The following CLNK variants were observed in gnomAD, a reference collection of about 807,000 sequenced individuals.
The protein encoded by CLNK is cytokine-dependent hematopoietic cell linker.
CLNK carries 74 observed loss-of-function variants against 68.6 expected under a neutral mutation model. That is an observed-to-expected ratio of 1.08 (90% CI 0.89 to 1.31). The LOEUF is 1.31. Ranked by LOEUF, CLNK falls within the 50% of genes most tolerant of loss-of-function variation. CLNK has a pLI of 0.00. For synonymous variants in CLNK, 198 were observed against 172.2 expected (o/e 1.15, Z -1.17); for missense variants, 553 against 515.3 (o/e 1.07, Z -0.71).
chr4:10,533,828 C>T (rs774300940), intron 11 of CLNK, among the ~76,000 whole-genome samples: 1 of 152,142 alleles, frequency 6.6e-6, no homozygotes, highest in Non-Finnish European at 1.5e-5. Flanking sequence ...ATGTGTTTGT[C>T]TCCATTTTAA....
At chr4:10,617,558 C>A (rs2108858500) in intron 2 of CLNK, among the ~76,000 whole-genome samples, 1 of 152,292 alleles carries the variant, frequency 6.6e-6, no homozygotes, top group African/African-American at 2.4e-5. Context: ...TTATGCAAAA[C>A]TCTCTGGTAA....
chr4:10,688,807 A>C (rs1199675595), upstream of CLNK, among the ~76,000 whole-genome samples: 1 of 152,204 alleles, frequency 6.6e-6, no homozygotes, highest in Admixed American at 6.5e-5. Flanking sequence ...CATTTAGTGC[A>C]CATGAAAAGA....
intron 17 of CLNK, among the ~76,000 whole-genome samples, chr4:10,506,408 T>C (rs1332360269): frequency 3.3e-5 from 5 of 152,192 alleles, no homozygotes; most frequent in Admixed American, 3.3e-4. Context: ...CCCAAACCCG[T>C]CCTGAACATG....
intron 4 of CLNK, among the ~76,000 whole-genome samples, chr4:10,574,786 T>C (rs1720492148): frequency 6.6e-6 from 1 of 152,210 alleles, no homozygotes; most frequent in South Asian, 2.1e-4. Flanking sequence ...GCTTATGTTA[T>C]CTATAGATTC....
chr4:10,624,811 C>G (rs1370499938), intron 2 of CLNK, among the ~76,000 whole-genome samples: 1 of 151,986 alleles, frequency 6.6e-6, no homozygotes, highest in African/African-American at 2.4e-5. Flanking sequence ...AGGAACACAC[C>G]TTGGGAAATG....
chr4:10,585,010 C>G (rs1313593282), intron 3 of CLNK, 55 bp from the exon 4 acceptor site: 2 of 1,591,780 alleles, frequency 1.3e-6, no homozygotes, highest in African/African-American at 1.3e-5. Context: ...TCCACCGACC[C>G]CCCGCCACAT....
chr4:10,553,462 T>A (rs577618374), intron 8 of CLNK, among the ~76,000 whole-genome samples: 35 of 152,152 alleles, frequency 2.3e-4, no homozygotes, highest in South Asian at 1.7e-3. Context: ...ATTTTATTTT[T>A]TTTTTCTGAT....
intron 1 of CLNK, among the ~76,000 whole-genome samples, chr4:10,674,945 G>T (rs1724810665): frequency 6.6e-6 from 1 of 151,896 alleles, no homozygotes; most frequent in African/African-American, 2.4e-5. Flanking sequence ...TGGACACAGG[G>T]AGGGGAACAT....
intron 15 of CLNK, among the ~76,000 whole-genome samples, chr4:10,516,380 A>C (rs925592925): frequency 6.6e-6 from 1 of 152,184 alleles, no homozygotes; most frequent in African/African-American, 2.4e-5. Context: ...TTGATCCACT[A>C]AATTTTTGAG....
At position 10,489,065 on chromosome 4, in the gene CLNK, C is replaced by G. The variant is rs555976923; in HGVS notation, c.*1402G>C. On this transcript the variant is annotated 3_prime_UTR_variant, in exon 19 of 19. Transcript: ENST00000226951. ...ATTGTTTCTATCTTTCTCTCTCTCT[C>G]TCTCTTTTTTTTTAAATTAGCTTTT... 2.0e-5 allele frequency: 3 copies of G among 151,994 alleles called. No homozygotes were observed. Among genetic ancestry groups the G allele is most frequent in the African/African-American group, 7.2e-5 (3 of 41,440 alleles). 9.4% of individuals were successfully genotyped at this position (151,994 alleles called of 1,614,324 possible).
At chr4:10,733,953 G>A in the CLNK span, among the ~76,000 whole-genome samples, 1 of 151,980 alleles carries the variant, frequency 6.6e-6, no homozygotes, top group African/African-American at 2.4e-5. Context: ...CATTTTTAAA[G>A]TTAGTCTATG....
At chr4:10,566,869 A>G (rs575966398) in intron 5 of CLNK, among the ~76,000 whole-genome samples, 1 of 152,232 alleles carries the variant, frequency 6.6e-6, no homozygotes, top group Admixed American at 6.5e-5. Flanking sequence ...AGCATCAAGG[A>G]GAATAAAATA....
chr4:10,526,397 A>G (rs185559889), intron 13 of CLNK, among the ~76,000 whole-genome samples: 44 of 152,346 alleles, frequency 2.9e-4, no homozygotes, highest in Admixed American at 4.6e-4. Context: ...GAAAATAAGC[A>G]TGCAAGTAAG....
chr4:10,489,245 A>G lies in CLNK; in HGVS notation c.*1222T>C, dbSNP rs1210617524. On this transcript the variant is annotated 3_prime_UTR_variant, in exon 19 of 19. Coordinates refer to ENST00000226951, the MANE Select transcript of CLNK (RefSeq NM_052964.4). The stretch of plus-strand genomic sequence containing the variant: ...CTCTGTTTCCTCATCTTTATTGTAA[A>G]ACAATAATAAAATTAAATCCTCTTA... 1 of 152,196 alleles carries G rather than the reference A, an allele frequency of 6.6e-6. No individual in the cohort carries two copies. The highest frequency in any genetic ancestry group is 2.4e-5 in the African/African-American group (1 of 41,444). 9.4% of individuals were successfully genotyped at this position (152,196 alleles called of 1,614,324 possible).
At chr4:10,711,187 A>G in the CLNK span, among the ~76,000 whole-genome samples, 3 of 152,220 alleles carry the variant, frequency 2.0e-5, no homozygotes, top group African/African-American at 2.4e-5. Flanking sequence ...TGTCTGGAAC[A>G]CTAAAGCATC....
intron 15 of CLNK, 139 bp from the exon 16 acceptor site, chr4:10,513,736 C>G (rs1401222492): frequency 7.0e-6 from 5 of 711,914 alleles, no homozygotes; most frequent in Non-Finnish European, 1.0e-5. Context: ...TCAGCTCACT[C>G]AGTGACCTTA....
At position 10,540,497 on chromosome 4, in the gene CLNK, G is replaced by A. The variant is rs770860724; in HGVS notation, c.599C>T (p.Pro200Leu). Reference protein sequence around the residue: ...RHTFPEVQRMPSQISLRDLSE... With the variant: ...RHTFPEVQRMLSQISLRDLSE... ...CCATTGATGATGAATCTCTCACCTG[G>A]GCATTCTCTGGACTTCTGGAAAGGT... The change falls in exon 11 of 19, where the codon CCC becomes CTC. Residue 200 changes from proline to leucine, a missense_variant. By Grantham distance (98) the Pro-to-Leu change is moderately conservative. Transcript: ENST00000226951. 1.2e-6 allele frequency: 2 copies of A among 1,606,290 alleles called. No individual in the cohort carries two copies. Among genetic ancestry groups the A allele is most frequent in the South Asian group, 2.2e-5 (2 of 90,900 alleles).
At chr4:10,651,483 G>A (rs547617893) in intron 2 of CLNK, among the ~76,000 whole-genome samples, 37 of 152,306 alleles carry the variant, frequency 2.4e-4, no homozygotes, top group Admixed American at 2.1e-3. Flanking sequence ...TCACTCATAA[G>A]TGGGAATTGA....
chr4:10,699,266 C>T, the CLNK span, among the ~76,000 whole-genome samples: 110 of 65,702 alleles, frequency 1.7e-3, 1 homozygote, highest in Middle Eastern at 0.013. Context: ...TGTGTGTATA[C>T]ACACACACAC....
Sources: gnomAD v4.1 joint callset for allele counts (sites outside exome capture counted in the v4.1 genomes callset) on GRCh38, gnomAD v4.1.1 for gene constraint, MANE v1.5 for transcripts, NCBI Gene and HGNC (gene_info 2026-07-23, HGNC 2026-07-21) for gene names.